Variants in ABCB4 observed in about 807,000 individuals in gnomAD.
The protein encoded by ABCB4 is phosphatidylcholine translocator ABCB4.
A neutral mutation model predicts 145.7 loss-of-function variants in ABCB4; 76 were observed. That is an observed-to-expected ratio of 0.52 (90% CI 0.43 to 0.63). The LOEUF is 0.63. Among genes scored for constraint, ABCB4 ranks in the 30% least tolerant of loss-of-function variants. The pLI is 0.00. For missense variants in ABCB4, 1,234 were observed against 1,553.1 expected, an observed-to-expected ratio of 0.79 and a Z score of 3.45; for synonymous variants, 517 against 566.8, an observed-to-expected ratio of 0.91 and a Z score of 1.25.
chr7:87,473,743 G>GTGTA (rs1276086187), intron 2 of ABCB4, among the ~76,000 whole-genome samples: 4 of 152,028 alleles, frequency 2.6e-5, no homozygotes, highest in African/African-American at 9.7e-5. Context: ...GTGTGTGTGT[G>GTGTA]TGTATGATGA....
At chr7:87,434,147 T>C (rs1322569893) in intron 14 of ABCB4, among the ~76,000 whole-genome samples, 1 of 148,654 alleles carries the variant, frequency 6.7e-6, no homozygotes, top group Non-Finnish European at 1.5e-5. Context: ...TTTCACCATG[T>C]TGGCCAGGAT....
intron 3 of ABCB4, among the ~76,000 whole-genome samples, chr7:87,470,732 G>A: frequency 6.6e-6 from 1 of 152,156 alleles, no homozygotes; most frequent in Admixed American, 6.5e-5. Context: ...GTGCTGGAGA[G>A]GATGTGGAGA....
the ABCB4 span, chr7:87,382,527 T>C: frequency 4.2e-4 from 670 of 1,613,736 alleles, 1 homozygote; most frequent in Non-Finnish European, 5.4e-4. Context: ...GCTGGCCTAT[T>C]ACAGACTTCA....
At position 87,439,764 on chromosome 7, in the gene ABCB4, C is replaced by T; in HGVS notation, c.1634G>A (p.Arg545His). The change falls in exon 14 of 28, where the codon CGT becomes CAT. Residue 545 changes from arginine (R) to histidine (H), a missense_variant. Around this residue, in one of 7 missense-constraint regions of ABCB4, gnomAD observed 467 missense variants for 632.8 expected, o/e 0.74. Coordinates refer to ENST00000649586, the MANE Select transcript of ABCB4 (RefSeq NM_000443.4). ...GATCTTGGGGTTGCGAACCAGGGCA[C>T]GTGCAATGGCGATCCTCTGCTTCTG... ...GGQKQRIAIARALVRNPKILL... is the reference protein window; with the variant it reads ...GGQKQRIAIAHALVRNPKILL... 3 of 1,614,136 alleles carry T rather than the reference C, an allele frequency of 1.9e-6. No individual in the cohort carries two copies. The highest frequency in any genetic ancestry group is 2.5e-6 in the Non-Finnish European group (3 of 1,180,016).
intron 19 of ABCB4, among the ~76,000 whole-genome samples, chr7:87,419,598 T>G (rs31664): frequency 0.021 from 3,213 of 152,218 alleles, 114 homozygotes; most frequent in African/African-American, 0.072. Flanking sequence ...TATGGTAGAT[T>G]GTGGTACATG....
chr7:87,453,834 TA>T (rs1412689506), intron 5 of ABCB4, among the ~76,000 whole-genome samples: 34 of 152,306 alleles, frequency 2.2e-4, no homozygotes, highest in African/African-American at 7.9e-4. Flanking sequence ...GCAAATATAG[TA>T]ATAAGCAGAT....
intron 27 of ABCB4, 96 bp downstream of exon 27, chr7:87,403,039 T>A: frequency 1.5e-6 from 2 of 1,319,548 alleles, no homozygotes; most frequent in Non-Finnish European, 2.2e-6. Context: ...TCTGTGTTTT[T>A]CCCCCTGTGC....
the ABCB4 span, chr7:87,392,533 T>A: frequency 6.4e-7 from 1 of 1,561,730 alleles, no homozygotes; most frequent in Non-Finnish European, 8.8e-7. Context: ...TTGCACAGTG[T>A]GTTATTGAAG....
intron 26 of ABCB4, chr7:87,405,946 C>T (rs1394200531): frequency 1.6e-5 from 6 of 369,056 alleles, no homozygotes; most frequent in Admixed American, 1.2e-4. Context: ...GTATTCCTTA[C>T]AATTACATGT....
chr7:87,391,779 G>T, the ABCB4 span: 1 of 1,486,492 alleles, frequency 6.7e-7, no homozygotes, highest in South Asian at 1.3e-5. Flanking sequence ...CGTGGTCTTT[G>T]AGTAACTAAC....
At chr7:87,468,787 C>T (rs559461785) in intron 3 of ABCB4, among the ~76,000 whole-genome samples, 112 of 151,730 alleles carry the variant, frequency 7.4e-4, no homozygotes, top group Admixed American at 2.0e-3. Context: ...AAAAACTAGC[C>T]AGGCGTGGTG....
chr7:87,414,255 T>C (rs1294665921), intron 21 of ABCB4, among the ~76,000 whole-genome samples: 1 of 152,254 alleles, frequency 6.6e-6, no homozygotes, highest in East Asian at 1.9e-4. Flanking sequence ...GACATCTGAC[T>C]AATCTGGGTC....
At position 87,440,487 on chromosome 7, in the gene ABCB4, A is replaced by G. The variant is rs1234167853; in HGVS notation, c.1357-85T>C. ...ACCATTCATGAAAAACATCCTACCT[A>G]ATATTTAACTTGGTTCAGTGTTTAG... On this transcript the variant is annotated intron_variant, in intron 12 of 27. Transcript: ENST00000649586. 58 of 1,149,882 alleles carry G rather than the reference A, an allele frequency of 5.0e-5. No individual in the cohort carries two copies. The Admixed American group carries it at 1.2e-3, about 24-fold the overall frequency. 71.2% of individuals were successfully genotyped at this position (1,149,882 alleles called of 1,614,324 possible).
intron 14 of ABCB4, among the ~76,000 whole-genome samples, chr7:87,434,387 G>T (rs1019031884): frequency 6.6e-6 from 1 of 151,984 alleles, no homozygotes; most frequent in Non-Finnish European, 1.5e-5. Flanking sequence ...ATATTTAATA[G>T]CATTTTATTT....
intron 16 of ABCB4, among the ~76,000 whole-genome samples, chr7:87,424,349 C>T (rs988546744): frequency 6.6e-6 from 1 of 152,174 alleles, no homozygotes; most frequent in Admixed American, 6.6e-5. Context: ...GCACAAATAC[C>T]TTGGCATCCA....
chr7:87,440,344 A>T lies in ABCB4; in HGVS notation c.1415T>A (p.Ile472Asn). 6.2e-7 allele frequency: 1 copy of T among 1,614,168 alleles called. No individual in the cohort carries two copies. Among genetic ancestry groups the T allele is most frequent in the East Asian group, 2.2e-5 (1 of 44,860 alleles). ...CACCGGCTCCTGACTCACCACACCA[A>T]TGATTTCCCTCAGATAGTTTACATT... Reference protein sequence around the residue: ...NFNVNYLREIIGVVSQEPVLF... With the variant: ...NFNVNYLREINGVVSQEPVLF... The change falls in exon 13 of 28, where the codon ATT becomes AAT. Residue 472 changes from isoleucine (I) to asparagine (N), a missense_variant. This residue lies in a region of ABCB4 where 467 missense variants were observed against 632.8 expected (regional missense o/e 0.74). Coordinates refer to ENST00000649586, the MANE Select transcript of ABCB4 (RefSeq NM_000443.4).
chr7:87,410,305 C>T (rs1474668466), intron 23 of ABCB4, among the ~76,000 whole-genome samples: 1 of 152,086 alleles, frequency 6.6e-6, no homozygotes, highest in African/African-American at 2.4e-5. Flanking sequence ...TAAGTTTTCA[C>T]CTTCAAATTT....
At chr7:87,444,553 G>A (rs1324517303) in intron 10 of ABCB4, among the ~76,000 whole-genome samples, 1 of 151,952 alleles carries the variant, frequency 6.6e-6, no homozygotes, top group Non-Finnish European at 1.5e-5. Context: ...TTCTCAGTCT[G>A]GCTACAACAT....
chr7:87,382,620 A>C, the ABCB4 span: 1 of 1,427,882 alleles, frequency 7.0e-7, no homozygotes, highest in Non-Finnish European at 9.4e-7. Flanking sequence ...TTTCATCCTA[A>C]CTCCTCAGTA....
Sources: allele counts gnomAD v4.1 joint callset (sites outside exome capture counted in the v4.1 genomes callset), GRCh38; gene constraint gnomAD v4.1.1; regional missense constraint gnomAD v4.1.1; transcripts MANE v1.5; gene names NCBI Gene and HGNC (gene_info 2026-07-23, HGNC 2026-07-21).